Variants in RIN2 observed in about 807,000 individuals in gnomAD.
RIN2 encodes the protein Ras and Rab interactor 2.
Under a neutral mutation model 78.0 loss-of-function variants are expected in RIN2, and 36 were observed. The observed-to-expected ratio is 0.46, with a 90% CI of 0.35 to 0.61. The LOEUF (loss-of-function observed/expected upper bound fraction) is 0.61, where lower values mean the gene tolerates loss of function less well. Ranked by LOEUF, RIN2 falls within the 20% of genes least tolerant of loss-of-function variation. The probability of loss-of-function intolerance (pLI) is 0.00; values close to 1 mark genes in which losing one functional copy is unlikely to be tolerated. For synonymous variants in RIN2, 466 were observed against 466.8 expected, an observed-to-expected ratio of 1.00 and a Z score of 0.02; for missense variants, 1,087 against 1,159.7, an observed-to-expected ratio of 0.94 and a Z score of 0.91.
chr20:19,805,202 G>A (rs1366142748), intron 2 of RIN2, among the ~76,000 whole-genome samples: 1 of 152,104 alleles, frequency 6.6e-6, no homozygotes, highest in Non-Finnish European at 1.5e-5. Flanking sequence ...ATATGGGCAG[G>A]GATGCCCTGA....
intron 5 of RIN2, among the ~76,000 whole-genome samples, chr20:19,958,495 C>T (rs2041629462): frequency 6.6e-6 from 1 of 152,254 alleles, no homozygotes; most frequent in South Asian, 2.1e-4. Flanking sequence ...CTGATCCCTG[C>T]ACAGGGCCTG....
rs938661076 is a variant in RIN2, at chr20:19,912,526, T to C, written c.58-22573T>C. Among the ~76,000 whole-genome samples the C allele has an allele frequency of 4.9e-5, 7 of 141,668 alleles. No individual in the cohort carries two copies. In the East Asian group the frequency reaches 1.7e-3, roughly 34 times the overall value. 92.9% of individuals were successfully genotyped at this position (141,668 alleles called of 152,430 possible). On this transcript the variant is annotated intron_variant, in intron 3 of 12. Transcript: ENST00000255006. ...GAAGTCTCACTCCCATCGCCCAGGC[T>C]GGAGTGCCATGCTGCGATTTCGGCT...
chr20:19,992,902 T>G (rs2042839752), intron 11 of RIN2, among the ~76,000 whole-genome samples: 1 of 152,186 alleles, frequency 6.6e-6, no homozygotes, highest in Non-Finnish European at 1.5e-5. Context: ...AAAACAGTAT[T>G]AATTTTTTTC....
intron 3 of RIN2, among the ~76,000 whole-genome samples, chr20:19,927,115 T>C (rs1353192064): frequency 6.6e-6 from 1 of 152,252 alleles, no homozygotes; most frequent in Non-Finnish European, 1.5e-5. Context: ...TGTTTCTTTG[T>C]AGTCCCAGGT....
intron 3 of RIN2, among the ~76,000 whole-genome samples, chr20:19,914,284 G>T (rs941471495): frequency 2.0e-5 from 3 of 152,014 alleles, no homozygotes; most frequent in African/African-American, 4.8e-5. Context: ...TGCTTCTTTT[G>T]GTGTCTAGTT....
Position 19,887,246 on chromosome 20 carries a change from A to C in RIN2, c.-36-2320A>C, listed in dbSNP as rs561068496. Among the ~76,000 whole-genome samples the C allele has an allele frequency of 1.4e-3, 209 of 151,846 alleles. 1 individual carries two copies. The highest frequency in any genetic ancestry group is 5.0e-3 in the African/African-American group (207 of 41,420). On this transcript the variant is annotated intron_variant, in intron 2 of 12. Transcript: ENST00000255006. Reference sequence around the variant, plus strand: ...GCTATGTTGCCCAGACTAGTCTCAAACTGCTGGATTCAAGTGATTCTCCTG... The same window carrying C: ...GCTATGTTGCCCAGACTAGTCTCAACCTGCTGGATTCAAGTGATTCTCCTG...
chr20:19,855,488 T>A (rs2037134915), intron 2 of RIN2, among the ~76,000 whole-genome samples: 1 of 152,162 alleles, frequency 6.6e-6, no homozygotes, highest in Non-Finnish European at 1.5e-5. Flanking sequence ...CTGGTAGAAT[T>A]CAGTTGTGAA....
At chr20:19,864,442 G>C (rs566622868) in intron 2 of RIN2, among the ~76,000 whole-genome samples, 2 of 152,300 alleles carry the variant, frequency 1.3e-5, no homozygotes, top group East Asian at 3.9e-4. Context: ...ACCAGGTCGT[G>C]AAACACAGCA....
At chr20:19,856,457 C>G (rs1195940351) in intron 2 of RIN2, among the ~76,000 whole-genome samples, 1 of 151,108 alleles carries the variant, frequency 6.6e-6, no homozygotes, top group African/African-American at 2.4e-5. Context: ...CGCTTGAGCC[C>G]AGGAGTTCAA....
chr20:19,766,891 A>G (rs1239734155), intron 1 of RIN2, among the ~76,000 whole-genome samples: 1 of 151,508 alleles, frequency 6.6e-6, no homozygotes, highest in African/African-American at 2.4e-5. Context: ...CAGCCTGGGC[A>G]ATAGCGTGAG....
chr20:19,990,243 C>T lies in RIN2; in HGVS notation c.2000C>T (p.Pro667Leu), dbSNP rs371995628. The change falls in exon 10 of 13, where the codon CCG becomes CTG. Residue 667 changes from proline (P) to leucine (L), a missense_variant. This residue lies in a region of RIN2 where 97 missense variants were observed against 104.8 expected (regional missense o/e 0.93). Transcript: ENST00000255006. The stretch of plus-strand genomic sequence containing the variant: ...ATGACCATGCAGAAGATGTATTCGC[C>T]GGAAAAGAAGGTCATGCTGCTGCTG... Reference protein sequence around the residue: ...KFMTMQKMYSPEKKVMLLLRV... With the variant: ...KFMTMQKMYSLEKKVMLLLRV... 4 of 1,613,388 alleles carry T rather than the reference C, an allele frequency of 2.5e-6. No individual in the cohort carries two copies. Among genetic ancestry groups the T allele is most frequent in the East Asian group, 2.2e-5 (1 of 44,862 alleles).
chr20:20,001,164 T>C lies in RIN2; in HGVS notation c.*228T>C, dbSNP rs760299555. On this transcript the variant is annotated 3_prime_UTR_variant, in exon 13 of 13. Transcript: ENST00000255006. ...TTTGGCAATGGAGAATTGCATCTGA[T>C]GGTTCAAGTGTCCTGAGATTGTTTG... 2 of 530,022 alleles carry C rather than the reference T, an allele frequency of 3.8e-6. No individual in the cohort carries two copies. Among genetic ancestry groups the C allele is most frequent in the Non-Finnish European group, 6.7e-6 (2 of 296,722 alleles). 32.8% of individuals were successfully genotyped at this position (530,022 alleles called of 1,614,324 possible).
intron 2 of RIN2, among the ~76,000 whole-genome samples, chr20:19,812,880 T>G (rs1438947424): frequency 6.6e-6 from 1 of 152,240 alleles, no homozygotes; most frequent in Non-Finnish European, 1.5e-5. Context: ...AAGAAAGACA[T>G]GAGAGTACTC....
chr20:19,768,990 C>G (rs529738283), intron 1 of RIN2, among the ~76,000 whole-genome samples: 1 of 148,638 alleles, frequency 6.7e-6, no homozygotes, highest in East Asian at 2.0e-4. Flanking sequence ...GTCGCACTCT[C>G]GGCTCACTGC....
chr20:19,834,069 G>A (rs1211896788), intron 2 of RIN2, among the ~76,000 whole-genome samples: 1 of 152,178 alleles, frequency 6.6e-6, no homozygotes, highest in African/African-American at 2.4e-5. Flanking sequence ...GGGACCTTGT[G>A]CTGGGTGCAA....
intron 1 of RIN2, among the ~76,000 whole-genome samples, chr20:19,788,438 A>AAAAACAAAAACAAAAAC (rs1568752590): frequency 4.3e-5 from 6 of 140,294 alleles, no homozygotes; most frequent in African/African-American, 1.2e-4. Context: ...CTGCCAAAAA[A>AAAAACAAAAACAAAAAC]AAAAAAAAAA....
intron 1 of RIN2, among the ~76,000 whole-genome samples, chr20:19,762,825 G>A (rs1372389674): frequency 1.3e-5 from 2 of 152,030 alleles, no homozygotes; most frequent in African/African-American, 4.8e-5. Context: ...GTGCAGTGGT[G>A]CGATCTCGGC....
intron 3 of RIN2, among the ~76,000 whole-genome samples, chr20:19,917,888 A>C (rs537462814): frequency 6.6e-6 from 1 of 152,358 alleles, no homozygotes; most frequent in Non-Finnish European, 1.5e-5. Context: ...ACTATCATAA[A>C]TGATATTGCC....
chr20:19,881,347 C>T (rs550327527), intron 2 of RIN2, among the ~76,000 whole-genome samples: 9 of 152,042 alleles, frequency 5.9e-5, no homozygotes, highest in Non-Finnish European at 8.8e-5. Context: ...CATTTCCCTG[C>T]GCATCACTAA....
Sources: gnomAD v4.1 joint callset for allele counts (sites outside exome capture counted in the v4.1 genomes callset) on GRCh38, gnomAD v4.1.1 for gene constraint, gnomAD v4.1.1 regional missense constraint, MANE v1.5 for transcripts, NCBI Gene and HGNC (gene_info 2026-07-23, HGNC 2026-07-21) for gene names.